RBFOX2: variants seen among roughly 807,000 people sequenced by gnomAD.
RBFOX2 encodes the protein RNA binding protein fox-1 homolog 2.
RBFOX2 carries 10 observed loss-of-function variants against 49.1 expected under a neutral mutation model. The observed-to-expected ratio is 0.20, with a 90% CI of 0.13 to 0.35. The LOEUF (loss-of-function observed/expected upper bound fraction) is 0.35. RBFOX2 is among the 10% of genes least tolerant of loss of function. The pLI is 1.00. For missense variants in RBFOX2, 323 were observed against 486.9 expected (o/e 0.66, Z 3.17); for synonymous variants, 183 against 187.4 (o/e 0.98, Z 0.19).
At chr22:35,989,753 A>G (rs1394417277) in intron 1 of RBFOX2, among the ~76,000 whole-genome samples, 1 of 152,116 alleles carries the variant, frequency 6.6e-6, no homozygotes, top group Non-Finnish European at 1.5e-5. Context: ...GCACGAAGGT[A>G]AAGGAGCTCC....
chr22:35,952,614 A>G (rs1433758173), intron 1 of RBFOX2, among the ~76,000 whole-genome samples: 3 of 152,226 alleles, frequency 2.0e-5, no homozygotes. Context: ...TAATAAGTCC[A>G]TCAGCAAAAT....
chr22:35,977,550 G>T (rs985497245), intron 1 of RBFOX2, among the ~76,000 whole-genome samples: 10 of 151,886 alleles, frequency 6.6e-5, no homozygotes, highest in African/African-American at 2.4e-4. Flanking sequence ...GGCTGCGGAT[G>T]CGAAGAGAGA....
chr22:35,983,598 T>C lies in RBFOX2; in HGVS notation c.186+44642A>G, dbSNP rs143419881. Among the ~76,000 whole-genome samples the C allele has an allele frequency of 7.1e-3, 1,078 of 152,274 alleles. 4 individuals carry two copies. Among genetic ancestry groups the C allele is most frequent in the Middle Eastern group, 0.014 (4 of 294 alleles). On this transcript the variant is annotated intron_variant, in intron 1 of 13. Coordinates refer to the RBFOX2 transcript ENST00000438146. Reference sequence around the variant, plus strand: ...ATCACCACATTTTGCAAATGGAGAATGACCCAGAGATGTTAATAACTGCTT... The same window carrying C: ...ATCACCACATTTTGCAAATGGAGAACGACCCAGAGATGTTAATAACTGCTT...
intron 8 of RBFOX2, among the ~76,000 whole-genome samples, chr22:35,760,294 T>C (rs1402120307): frequency 6.6e-6 from 1 of 152,136 alleles, no homozygotes; most frequent in Non-Finnish European, 1.5e-5. Context: ...AATTTCAGCT[T>C]TACAATGCAA....
intron 1 of RBFOX2, among the ~76,000 whole-genome samples, chr22:35,885,843 ATTTTTTTTTTTTTTTT>A (rs538674450): frequency 4.3e-4 from 36 of 83,156 alleles, no homozygotes; most frequent in African/African-American, 1.8e-3. Flanking sequence ...CCCAAACCTA[ATTTTTTTTTTTTTTTT>A]TTTTTTTTTT....
chr22:36,011,606 C>T (rs1364950428), intron 1 of RBFOX2, among the ~76,000 whole-genome samples: 1 of 152,160 alleles, frequency 6.6e-6, no homozygotes, highest in South Asian at 2.1e-4. Context: ...TACGTAGGCA[C>T]TGTCTCTAGA....
rs1325066373 is a variant in RBFOX2, at chr22:35,761,283, G to C, written c.673C>G (p.Gln225Glu). Residue 225 changes from glutamine to glutamate, a missense_variant, in exon 8 of 12, where the codon CAA (glutamine) becomes GAA (glutamate). By Grantham distance (29) the Gln-to-Glu change is conservative (BLOSUM62 2). Around this residue, in one of 2 missense-constraint regions of RBFOX2, gnomAD observed 200 missense variants for 370.0 expected, o/e 0.54. Coordinates refer to ENST00000405409, the Ensembl canonical transcript of RBFOX2. ...TCATTGCCTAGGGACACATCTGCTT[G>C]AAAGCTGGATGCTGATTGGATTTTT... 2.5e-6 allele frequency: 4 copies of C among 1,614,016 alleles called. No homozygotes were observed. The African/African-American group carries it at 4.0e-5, about 16-fold the overall frequency.
intron 1 of RBFOX2, among the ~76,000 whole-genome samples, chr22:35,811,789 C>T (rs1951918084): frequency 6.6e-6 from 1 of 151,824 alleles, no homozygotes; most frequent in Non-Finnish European, 1.5e-5. Context: ...CACAAAGAGA[C>T]CCTGTCTCTA....
chr22:36,026,557 C>T (rs1208659639), intron 1 of RBFOX2, among the ~76,000 whole-genome samples: 1 of 151,864 alleles, frequency 6.6e-6, no homozygotes, highest in Admixed American at 6.6e-5. Context: ...CACACACACA[C>T]ACACACACAC....
intron 3 of RBFOX2, among the ~76,000 whole-genome samples, chr22:35,781,318 A>G (rs574657378): frequency 6.6e-6 from 1 of 152,312 alleles, no homozygotes; most frequent in African/African-American, 2.4e-5. Context: ...TAGGGTGACC[A>G]TCCTGGTTTC....
At chr22:35,750,600 A>G in intron 9 of RBFOX2, 1 of 592,460 alleles carries the variant, frequency 1.7e-6, no homozygotes, top group East Asian at 2.8e-5. Flanking sequence ...TCAGATACAC[A>G]CATGCCCCTT....
At chr22:35,796,601 T>A (rs1292692085) in intron 2 of RBFOX2, among the ~76,000 whole-genome samples, 1 of 152,214 alleles carries the variant, frequency 6.6e-6, no homozygotes, top group African/African-American at 2.4e-5. Flanking sequence ...AACTGCAATG[T>A]CGAATCTGAA....
At chr22:35,744,439 A>T (rs976308104) in intron 11 of RBFOX2, among the ~76,000 whole-genome samples, 190 bp from the exon 14 acceptor site, 1 of 152,212 alleles carries the variant, frequency 6.6e-6, no homozygotes, top group Non-Finnish European at 1.5e-5. Context: ...CCAGAGCCCA[A>T]CACATTTATT....
chr22:35,938,950 G>A (rs972244187), upstream of RBFOX2: 2 of 1,511,134 alleles, frequency 1.3e-6, no homozygotes, highest in Non-Finnish European at 1.8e-6. Flanking sequence ...AAAATGTTAG[G>A]CATAATCAAA....
chr22:35,954,205 C>T (rs2055287542), intron 1 of RBFOX2, among the ~76,000 whole-genome samples: 1 of 151,928 alleles, frequency 6.6e-6, no homozygotes, highest in Admixed American at 6.6e-5. Flanking sequence ...TATTTTCTAA[C>T]TGTTCAACAA....
chr22:35,930,113 C>A (rs1004214292), intron 1 of RBFOX2, among the ~76,000 whole-genome samples: 2 of 150,744 alleles, frequency 1.3e-5, no homozygotes, highest in African/African-American at 4.9e-5. Flanking sequence ...CCTCCGCCTC[C>A]TGGGTTCAAG....
At chr22:35,964,390 C>A (rs2056437327), upstream of RBFOX2, among the ~76,000 whole-genome samples, 1 of 152,132 alleles carries the variant, frequency 6.6e-6, no homozygotes, top group Non-Finnish European at 1.5e-5. Flanking sequence ...TTATTCTAAT[C>A]CTATTATTCT....
intron 1 of RBFOX2, among the ~76,000 whole-genome samples, chr22:36,004,038 C>A (rs2058530979): frequency 1.3e-5 from 2 of 152,136 alleles, no homozygotes. Flanking sequence ...AAGACCTCCA[C>A]AATTATAAAA....
intron 1 of RBFOX2, among the ~76,000 whole-genome samples, chr22:36,022,003 A>G (rs1474855826): frequency 6.6e-6 from 1 of 152,138 alleles, no homozygotes; most frequent in Non-Finnish European, 1.5e-5. Flanking sequence ...TCATGCTCCA[A>G]TTACTGCCAT....
Sources: gnomAD v4.1 joint callset for allele counts (sites outside exome capture counted in the v4.1 genomes callset) on GRCh38, gnomAD v4.1.1 for gene constraint, gnomAD v4.1.1 regional missense constraint, MANE v1.5 for transcripts, NCBI Gene and HGNC (gene_info 2026-07-23, HGNC 2026-07-21) for gene names.